TRAPPC11: variants seen among roughly 807,000 people sequenced by gnomAD.
TRAPPC11 encodes foie gras homolog.
A neutral mutation model predicts 151.2 loss-of-function variants in TRAPPC11; 104 were observed. That is an observed-to-expected ratio of 0.69 (90% CI 0.59 to 0.81). The LOEUF is 0.81. Ranked by LOEUF, TRAPPC11 falls within the 30% of genes least tolerant of loss-of-function variation. TRAPPC11 has a pLI of 0.00. For missense variants in TRAPPC11, 1,230 were observed against 1,349.6 expected, an observed-to-expected ratio of 0.91 and a Z score of 1.39; for synonymous variants, 456 against 472.3, an observed-to-expected ratio of 0.97 and a Z score of 0.45.
intron 26 of TRAPPC11, among the ~76,000 whole-genome samples, chr4:183,704,566 C>T (rs1320797852): frequency 6.6e-6 from 1 of 150,504 alleles, no homozygotes; most frequent in Non-Finnish European, 1.5e-5. Flanking sequence ...GTAATCCCAG[C>T]ACTTTGAGAG....
In TRAPPC11 at chr4:183,701,959, T is replaced by G. The variant is rs1298135456; in HGVS notation, c.2963+151T>G. The G allele has an allele frequency of 2.5e-5, 16 of 639,276 alleles. No individual in the cohort carries two copies. The East Asian group carries it at 4.2e-4, about 17-fold the overall frequency. 39.6% of individuals were successfully genotyped at this position (639,276 alleles called of 1,614,324 possible). On this transcript the variant is annotated intron_variant, in intron 26 of 29. Coordinates refer to ENST00000334690, the MANE Select transcript of TRAPPC11 (RefSeq NM_021942.6). Reference sequence around the variant, plus strand: ...TGAACACAAACCTGAAAAAGATAATTAAAGCTGAATTTGTGCTTGTCGTAA... The same window carrying G: ...TGAACACAAACCTGAAAAAGATAATGAAAGCTGAATTTGTGCTTGTCGTAA...
intron 23 of TRAPPC11, among the ~76,000 whole-genome samples, chr4:183,696,389 C>A (rs1359077738): frequency 6.6e-6 from 1 of 151,662 alleles, no homozygotes; most frequent in African/African-American, 2.4e-5. Flanking sequence ...GGTTTTTTTT[C>A]TTCTTTCTTT....
intron 20 of TRAPPC11, 113 bp downstream of exon 20, chr4:183,693,260 C>A: frequency 9.6e-7 from 1 of 1,043,080 alleles, no homozygotes; most frequent in Non-Finnish European, 1.4e-6. Context: ...GGTGTGATCA[C>A]GACTCACTGT....
At chr4:183,683,638 G>T (rs997849437) in intron 11 of TRAPPC11, among the ~76,000 whole-genome samples, 4 of 152,186 alleles carry the variant, frequency 2.6e-5, no homozygotes, top group African/African-American at 9.7e-5. Flanking sequence ...TCCAGCCTGG[G>T]CAACAGAGTG....
chr4:183,679,289 A>G (rs1401891824), intron 8 of TRAPPC11, 64 bp from the exon 9 acceptor site: 2 of 1,398,770 alleles, frequency 1.4e-6, no homozygotes, highest in Non-Finnish European at 1.9e-6. Context: ...AATAGTTTTT[A>G]AATGAATATG....
intron 1 of TRAPPC11, among the ~76,000 whole-genome samples, chr4:183,660,640 A>G (rs1441803743): frequency 6.6e-6 from 1 of 152,232 alleles, no homozygotes; most frequent in African/African-American, 2.4e-5. Flanking sequence ...CTCTGGAGTT[A>G]TTACAGGAAA....
Position 183,701,731 on chromosome 4 carries a change from CT to C in TRAPPC11, c.2890del (p.Cys964ValfsTer14). 1 of 1,613,854 alleles carries C rather than the reference CT, an allele frequency of 6.2e-7. No individual in the cohort carries two copies. Among genetic ancestry groups the C allele is most frequent in the Non-Finnish European group, 8.5e-7 (1 of 1,179,808 alleles). ...AGACTGGAGAGAGTGCTAGTGAATG[CT>C]TTTGTCTTCAATGCCCATCTCTTGG... The part of the protein sequence containing the change: ...LQTGESASEC[F>X]CLQCPSLGNI... On this transcript the variant is annotated frameshift_variant, in exon 26 of 30. Coordinates refer to ENST00000334690, the MANE Select transcript of TRAPPC11 (RefSeq NM_021942.6). LOFTEE classifies it high-confidence loss of function.
chr4:183,705,184 A>G, intron 27 of TRAPPC11, 114 bp downstream of exon 27: 1 of 696,616 alleles, frequency 1.4e-6, no homozygotes, highest in Non-Finnish European at 2.4e-6. Context: ...AGCATTTGTA[A>G]AAGTAGCTTA....
At chr4:183,703,574 A>G (rs960544920) in intron 26 of TRAPPC11, among the ~76,000 whole-genome samples, 2 of 152,240 alleles carry the variant, frequency 1.3e-5, no homozygotes, top group African/African-American at 4.8e-5. Flanking sequence ...GGGTGTGTGT[A>G]TAAGAATGTT....
At chr4:183,665,929 C>CTTTTTTTTTTTTTTTTT (rs11462767) in intron 2 of TRAPPC11, among the ~76,000 whole-genome samples, 5 of 137,888 alleles carry the variant, frequency 3.6e-5, no homozygotes, top group Non-Finnish European at 3.1e-5. Context: ...AAATGGGCTA[C>CTTTTTTTTTTTTTTTTT]TTTTTTTTTT....
intron 5 of TRAPPC11, among the ~76,000 whole-genome samples, chr4:183,673,653 A>G (rs1735266027): frequency 6.6e-6 from 1 of 152,192 alleles, no homozygotes; most frequent in Admixed American, 6.5e-5. Context: ...CAGCCTGGGC[A>G]ACAGAGCGGG....
chr4:183,706,936 A>G lies in TRAPPC11; in HGVS notation c.3185A>G (p.Lys1062Arg), dbSNP rs551167738. 39 of 1,614,120 alleles carry G rather than the reference A, an allele frequency of 2.4e-5. No individual in the cohort carries two copies. In the East Asian group the frequency reaches 7.4e-4, roughly 30 times the overall value. ...PSDAFMFSGL[K>R]QIRLRILPGT... Reference sequence around the variant, plus strand: ...GATGCCTTCATGTTCTCAGGTCTCAAACAGGTACAGGTCATATCTTGTGAT... The same window carrying G: ...GATGCCTTCATGTTCTCAGGTCTCAGACAGGTACAGGTCATATCTTGTGAT... The change falls in exon 28 of 30, where the codon AAA (lysine) becomes AGA (arginine). Residue 1062 changes from lysine to arginine, a missense_variant. Physicochemically the swap from Lys to Arg is conservative, Grantham distance 26. Transcript: ENST00000334690.
At chr4:183,659,492 A>G (rs1221769765) in intron 1 of TRAPPC11, 45 bp downstream of exon 1, 2 of 153,122 alleles carry the variant, frequency 1.3e-5, no homozygotes, top group Non-Finnish European at 2.9e-5. Flanking sequence ...GGGACCGCCG[A>G]GGAAGAGAGC....
chr4:183,690,545 A>G (rs140801262), intron 18 of TRAPPC11, among the ~76,000 whole-genome samples: 1 of 152,190 alleles, frequency 6.6e-6, no homozygotes, highest in Non-Finnish European at 1.5e-5. Flanking sequence ...ATAAGCTTGT[A>G]ATTAAGGAAA....
In TRAPPC11 at chr4:183,691,371, A is replaced by C. The variant is rs1736250601; in HGVS notation, c.1949A>C (p.Glu650Ala). ...EEASKANEVL[E>A]NLTQGKMCLV... ...GCATCCAAAGCAAATGAAGTTTTAG[A>C]AAATCTGACTCAAGGAAAGATGTGC... The change falls in exon 19 of 30, where the codon GAA (glutamate) becomes GCA (alanine). Residue 650 changes from glutamate to alanine, a missense_variant. Physicochemically the swap from Glu to Ala is moderately radical, Grantham distance 107. Transcript: ENST00000334690. The C allele has an allele frequency of 1.9e-6, 3 of 1,560,028 alleles. No individual in the cohort carries two copies. The highest frequency in any genetic ancestry group is 2.6e-6 in the Non-Finnish European group (3 of 1,146,160).
chr4:183,678,115 T>C (rs895475521), intron 8 of TRAPPC11, among the ~76,000 whole-genome samples: 1 of 152,064 alleles, frequency 6.6e-6, no homozygotes, highest in Non-Finnish European at 1.5e-5. Flanking sequence ...ATTTTTGTGT[T>C]TTTAGTAGAG....
intron 8 of TRAPPC11, among the ~76,000 whole-genome samples, chr4:183,678,786 A>G (rs1419997765): frequency 1.3e-5 from 2 of 152,250 alleles, no homozygotes; most frequent in Admixed American, 6.5e-5. Flanking sequence ...TTAAAAAATA[A>G]AAGTGAAAAT....
chr4:183,705,545 C>T (rs1244927426), intron 27 of TRAPPC11, among the ~76,000 whole-genome samples: 1 of 152,118 alleles, frequency 6.6e-6, no homozygotes, highest in Non-Finnish European at 1.5e-5. Flanking sequence ...CTCTCCTCTC[C>T]CCACCCACCA....
chr4:183,684,834 T>A lies in TRAPPC11; in HGVS notation c.1560T>A (p.Leu520=), dbSNP rs1735883600. Residue 520 remains leucine, a synonymous_variant, in exon 15 of 30, where the codon CTT becomes CTA. Coordinates refer to ENST00000334690, the MANE Select transcript of TRAPPC11 (RefSeq NM_021942.6). ...KDYITYSLEL[L]GRASTLKDDQ... ...ACATTACTTACTCCCTAGAACTCCT[T>A]GGTAGAGGTAACCTGATGTTTTTTG... 1 of 1,612,868 alleles carries A rather than the reference T, an allele frequency of 6.2e-7. No homozygotes were observed. Among genetic ancestry groups the A allele is most frequent in the African/African-American group, 1.3e-5 (1 of 74,908 alleles).
Sources: allele counts gnomAD v4.1 joint callset (sites outside exome capture counted in the v4.1 genomes callset), GRCh38; gene constraint gnomAD v4.1.1; transcripts MANE v1.5; gene names NCBI Gene and HGNC (gene_info 2026-07-23, HGNC 2026-07-21).